SCHIP1: variants seen among roughly 807,000 people sequenced by gnomAD.
SCHIP1 encodes the protein schwannomin interacting protein 1.
SCHIP1 carries 8 observed loss-of-function variants against 29.7 expected under a neutral mutation model. That is an observed-to-expected ratio of 0.27 (90% confidence interval 0.16 to 0.49). SCHIP1 has a LOEUF of 0.49. SCHIP1 is among the 20% of genes least tolerant of loss of function. The probability of loss-of-function intolerance (pLI) is 0.99; values close to 1 mark genes in which losing one functional copy is unlikely to be tolerated. For synonymous variants in SCHIP1, 76 were observed against 94.9 expected, an observed-to-expected ratio of 0.80 and a Z score of 1.16; for missense variants, 193 against 294.6, an observed-to-expected ratio of 0.66 and a Z score of 2.52.
chr3:159,340,317 A>T, the SCHIP1 span, among the ~76,000 whole-genome samples: 2 of 152,060 alleles, frequency 1.3e-5, no homozygotes, highest in Non-Finnish European at 2.9e-5. Flanking sequence ...AAATGATGTG[A>T]TTTTTCTCAT....
the SCHIP1 span, among the ~76,000 whole-genome samples, chr3:159,625,709 C>T: frequency 6.6e-6 from 1 of 152,030 alleles, no homozygotes; most frequent in African/African-American, 2.4e-5. Flanking sequence ...CACCACTGTT[C>T]CAACCCACAG....
At chr3:159,371,687 T>C in the SCHIP1 span, among the ~76,000 whole-genome samples, 2 of 152,314 alleles carry the variant, frequency 1.3e-5, no homozygotes, top group South Asian at 2.1e-4. Flanking sequence ...AGGACTCTGA[T>C]ATAAAATGGG....
At chr3:159,503,041 T>TC in the SCHIP1 span, among the ~76,000 whole-genome samples, 1 of 152,208 alleles carries the variant, frequency 6.6e-6, no homozygotes, top group Non-Finnish European at 1.5e-5. Flanking sequence ...CTGGAAGTGT[T>TC]CCCATACTTT....
chr3:159,283,654 A>C, the SCHIP1 span, among the ~76,000 whole-genome samples: 2 of 152,184 alleles, frequency 1.3e-5, no homozygotes, highest in Admixed American at 1.3e-4. Flanking sequence ...TAATATAGGA[A>C]GCGATGGCTT....
chr3:159,385,363 G>A, the SCHIP1 span, among the ~76,000 whole-genome samples: 1 of 152,110 alleles, frequency 6.6e-6, no homozygotes, highest in African/African-American at 2.4e-5. Context: ...TTCGAGACCA[G>A]CCTGGCCAAC....
intron 1 of SCHIP1, chr3:159,853,530 G>A: frequency 1.6e-6 from 1 of 608,566 alleles, no homozygotes; most frequent in South Asian, 2.0e-5. Flanking sequence ...CACCCTTGAG[G>A]AGTGGCCAAA....
chr3:159,508,075 C>A, the SCHIP1 span, among the ~76,000 whole-genome samples: 1 of 152,122 alleles, frequency 6.6e-6, no homozygotes, highest in Non-Finnish European at 1.5e-5. Flanking sequence ...TGGTAGAATT[C>A]GGCTGTGAAT....
the SCHIP1 span, among the ~76,000 whole-genome samples, chr3:159,687,975 C>T: frequency 6.6e-6 from 1 of 152,296 alleles, no homozygotes; most frequent in African/African-American, 2.4e-5. Flanking sequence ...GTATATGTGC[C>T]ACATTTTCTT....
chr3:159,499,820 C>G, the SCHIP1 span, among the ~76,000 whole-genome samples: 1 of 152,158 alleles, frequency 6.6e-6, no homozygotes, highest in Non-Finnish European at 1.5e-5. Flanking sequence ...TATCACTACA[C>G]CCATTTTATA....
chr3:159,514,493 C>G, the SCHIP1 span, among the ~76,000 whole-genome samples: 1 of 152,174 alleles, frequency 6.6e-6, no homozygotes, highest in Non-Finnish European at 1.5e-5. Context: ...CATGGCTATA[C>G]CCGACTGTCC....
At chr3:159,424,042 CA>C in the SCHIP1 span, among the ~76,000 whole-genome samples, 1 of 64,520 alleles carries the variant, frequency 1.5e-5, no homozygotes, top group Admixed American at 2.0e-4. Flanking sequence ...AGGACATCCA[CA>C]CCAAAAACCC....
the SCHIP1 span, among the ~76,000 whole-genome samples, chr3:159,398,033 T>C: frequency 1.3e-5 from 2 of 152,206 alleles, no homozygotes; most frequent in Non-Finnish European, 1.5e-5. Flanking sequence ...CCTGGTGTGC[T>C]GTTTTTTAAG....
chr3:159,379,191 A>G, the SCHIP1 span, among the ~76,000 whole-genome samples: 2 of 151,962 alleles, frequency 1.3e-5, no homozygotes, highest in Admixed American at 1.3e-4. Flanking sequence ...ATTACTGGAA[A>G]TAACTAGAAT....
At chr3:159,556,103 C>A in the SCHIP1 span, among the ~76,000 whole-genome samples, 1 of 152,040 alleles carries the variant, frequency 6.6e-6, no homozygotes, top group Admixed American at 6.5e-5. Context: ...AAAAAGTGGG[C>A]AAAGGACATG....
chr3:159,599,709 A>G, the SCHIP1 span, among the ~76,000 whole-genome samples: 2 of 152,166 alleles, frequency 1.3e-5, no homozygotes, highest in African/African-American at 2.4e-5. Context: ...ATCAACATGC[A>G]TATGTAAGTA....
the SCHIP1 span, among the ~76,000 whole-genome samples, chr3:159,290,760 T>G: frequency 2.6e-5 from 4 of 152,120 alleles, no homozygotes; most frequent in African/African-American, 9.6e-5. Context: ...ATATTGGCAT[T>G]ACTATACTGT....
At chr3:159,602,702 C>A in the SCHIP1 span, among the ~76,000 whole-genome samples, 1 of 136,422 alleles carries the variant, frequency 7.3e-6, no homozygotes, top group East Asian at 2.0e-4. Context: ...GAGCTAGAAT[C>A]CATCTCAAAA....
chr3:159,891,290 G>A (rs1283972394), intron 5 of SCHIP1, among the ~76,000 whole-genome samples: 3 of 152,028 alleles, frequency 2.0e-5, no homozygotes, highest in African/African-American at 7.3e-5. Context: ...AGAATCACTC[G>A]AACCCGGGAG....
chr3:159,855,044 C>T (rs1032188246), intron 1 of SCHIP1, among the ~76,000 whole-genome samples: 8 of 152,080 alleles, frequency 5.3e-5, no homozygotes, highest in Non-Finnish European at 1.2e-4. Context: ...AGTAGAATGC[C>T]GCATATGATT....
Sources: allele counts gnomAD v4.1 joint callset (sites outside exome capture counted in the v4.1 genomes callset), GRCh38; gene constraint gnomAD v4.1.1; transcripts MANE v1.5; gene names NCBI Gene and HGNC (gene_info 2026-07-23, HGNC 2026-07-21).